Variants in CCDC50 observed in about 807,000 individuals in gnomAD.
CCDC50 encodes the protein coiled-coil domain-containing protein 50.
A neutral mutation model predicts 70.2 loss-of-function variants in CCDC50; 54 were observed. That is an observed-to-expected ratio of 0.77 (90% CI 0.62 to 0.96). The LOEUF is 0.96. CCDC50 is among the 50% of genes least tolerant of loss of function. The pLI is 0.00. For missense variants in CCDC50, 558 were observed against 578.7 expected (o/e 0.96, Z 0.37); for synonymous variants, 216 against 198.8 (o/e 1.09, Z -0.73).
At chr3:191,364,756 G>A (rs898649015) in intron 4 of CCDC50, among the ~76,000 whole-genome samples, 5 of 151,920 alleles carry the variant, frequency 3.3e-5, no homozygotes, top group African/African-American at 1.2e-4. Context: ...GCAGGACACA[G>A]ATGTGGAAAA....
chr3:191,347,032 C>A (rs1170688918), intron 1 of CCDC50, among the ~76,000 whole-genome samples: 2 of 141,480 alleles, frequency 1.4e-5, no homozygotes, highest in African/African-American at 5.0e-5. Context: ...GTGCTCTAAC[C>A]AATAAGGTGA....
rs536674397 is a variant in CCDC50 at position 191,370,145 on chromosome 3, C to A, written c.448+109C>A. The stretch of plus-strand genomic sequence containing the variant: ...AGGGACCTGGGACTGTTTCTCTTAT[C>A]CCCAGGCACTGGGTACATTTAGATG... On this transcript the variant is annotated intron_variant, in intron 5 of 11. Coordinates refer to ENST00000392455, the MANE Select transcript of CCDC50 (RefSeq NM_178335.3). 71 of 770,000 alleles carry A rather than the reference C, an allele frequency of 9.2e-5. No homozygotes were observed. The East Asian group carries it at 1.3e-3, about 14-fold the overall frequency. 47.7% of individuals were successfully genotyped at this position (770,000 alleles called of 1,614,324 possible).
intron 1 of CCDC50, among the ~76,000 whole-genome samples, chr3:191,353,818 C>G (rs1211332010): frequency 5.0e-5 from 5 of 99,100 alleles, no homozygotes; most frequent in Non-Finnish European, 1.0e-4. Flanking sequence ...CAATACAACT[C>G]TCTGTGTGTA....
intron 1 of CCDC50, among the ~76,000 whole-genome samples, chr3:191,336,623 A>G (rs1208887323): frequency 6.6e-6 from 1 of 152,212 alleles, no homozygotes; most frequent in Admixed American, 6.5e-5. Context: ...GTTCAATATC[A>G]GAATGATATG....
rs1713338397 is a variant in CCDC50 at position 191,382,059 on chromosome 3, TC to T, written c.1243-684del. Among the ~76,000 whole-genome samples the T allele has an allele frequency of 2.0e-5, 3 of 152,174 alleles. No individual in the cohort carries two copies. The South Asian group carries it at 6.2e-4, about 32-fold the overall frequency. On this transcript the variant is annotated intron_variant, in intron 9 of 11. Coordinates refer to ENST00000392455, the MANE Select transcript of CCDC50 (RefSeq NM_178335.3). Reference sequence around the variant, plus strand: ...CTAATATACTGTTTTAGTCAAGGATTCCCAAATACTTTTGTTAAATAAATTA... The same window carrying T: ...CTAATATACTGTTTTAGTCAAGGATTCCAAATACTTTTGTTAAATAAATTA...
chr3:191,330,572 C>T (rs1006019968), intron 1 of CCDC50: 1 of 152,172 alleles, frequency 6.6e-6, no homozygotes, highest in African/African-American at 2.4e-5. Context: ...GAAGCATAGA[C>T]GTTCCAGAGT....
intron 1 of CCDC50, among the ~76,000 whole-genome samples, chr3:191,355,307 A>C (rs1712240462): frequency 6.6e-6 from 1 of 152,248 alleles, no homozygotes; most frequent in South Asian, 2.1e-4. Context: ...AGATTTGATT[A>C]TATTTATTTT....
rs987201977 is a variant in CCDC50 at position 191,394,238 on chromosome 3, A to T, written c.*2478A>T. 1.3e-5 allele frequency: 2 copies of T among 152,060 alleles called. No individual in the cohort carries two copies. Among genetic ancestry groups the T allele is most frequent in the African/African-American group, 2.4e-5 (1 of 41,428 alleles). The allele number at this position is 152,060 out of a possible 1,614,324, so 9.4% of individuals were successfully genotyped here. A position where few individuals can be genotyped will look rare whatever the true frequency, so the allele number is the denominator to read the frequency against. On this transcript the variant is annotated 3_prime_UTR_variant, in exon 12 of 12. Coordinates refer to ENST00000392455, the MANE Select transcript of CCDC50 (RefSeq NM_178335.3). ...TTTTAAAATATTTTATGTTTATTTT[A>T]TTTTTGTGTAAAGCAAACACTTTTA...
In CCDC50 at chr3:191,356,799, T is replaced by C. The variant is rs1712299479; in HGVS notation, c.50-289T>C. Among the ~76,000 whole-genome samples, 3 of 152,216 alleles carry C rather than the reference T, an allele frequency of 2.0e-5. No homozygotes were observed. In the South Asian group the frequency reaches 6.2e-4, roughly 31 times the overall value. On this transcript the variant is annotated intron_variant, in intron 1 of 11. Transcript: ENST00000392455. ...ATTTATAGAAGTGGATTGGAATTTC[T>C]AGACCTCTGGAATCTGATTCTGTAA...
At chr3:191,390,968 A>G (rs1713674953) in intron 11 of CCDC50, among the ~76,000 whole-genome samples, 1 of 152,238 alleles carries the variant, frequency 6.6e-6, no homozygotes, top group African/African-American at 2.4e-5. Context: ...GAGAGCTGTA[A>G]AATGAAATGG....
chr3:191,375,672 CCTTT>C (rs1713088809), intron 6 of CCDC50, 83 bp downstream of exon 6: 4 of 1,424,226 alleles, frequency 2.8e-6, no homozygotes, highest in East Asian at 2.5e-5. Flanking sequence ...CCTTAAGCAA[CCTTT>C]CTTTCTCTCT....
chr3:191,359,844 T>C (rs1712420945), intron 3 of CCDC50, among the ~76,000 whole-genome samples: 1 of 152,176 alleles, frequency 6.6e-6, no homozygotes, highest in South Asian at 2.1e-4. Flanking sequence ...TTGATGCAGA[T>C]GTTTAAAATC....
At chr3:191,391,006 C>T (rs1337131119) in intron 11 of CCDC50, among the ~76,000 whole-genome samples, 1 of 152,154 alleles carries the variant, frequency 6.6e-6, no homozygotes, top group Non-Finnish European at 1.5e-5. Flanking sequence ...ATATTAACTT[C>T]CTCATCTGCA....
intron 3 of CCDC50, among the ~76,000 whole-genome samples, chr3:191,358,649 C>T (rs1033974884): frequency 1.3e-5 from 2 of 152,194 alleles, no homozygotes; most frequent in African/African-American, 4.8e-5. Flanking sequence ...AAAGTTCTCT[C>T]TAGTAGCCTC....
intron 1 of CCDC50, among the ~76,000 whole-genome samples, chr3:191,341,769 G>C (rs1044060607): frequency 8.5e-5 from 13 of 152,204 alleles, no homozygotes; most frequent in East Asian, 3.8e-4. Flanking sequence ...AGAGCCAAAG[G>C]GTTGACAGAA....
Position 191,341,413 on chromosome 3 carries a change from A to G in CCDC50, c.49+11690A>G, listed in dbSNP as rs567170373. On this transcript the variant is annotated intron_variant, in intron 1 of 11. Coordinates refer to ENST00000392455, the MANE Select transcript of CCDC50 (RefSeq NM_178335.3). ...TTCAAAGAAATTAAGTACTTGCCCA[A>G]GGTCTTTTAGCCTGGAAGTAAGCAA... Among the ~76,000 whole-genome samples, 4 of 152,278 alleles carry G rather than the reference A, an allele frequency of 2.6e-5. No individual in the cohort carries two copies. The South Asian group carries it at 8.3e-4, about 32-fold the overall frequency.
intron 1 of CCDC50, among the ~76,000 whole-genome samples, chr3:191,335,254 A>T (rs944036449): frequency 7.2e-5 from 11 of 152,210 alleles, no homozygotes; most frequent in Non-Finnish European, 1.3e-4. Flanking sequence ...ACAGAAGCAT[A>T]TTTAGAAGTG....
At chr3:191,378,143 A>G (rs1371311120) in intron 6 of CCDC50, among the ~76,000 whole-genome samples, 1 of 152,044 alleles carries the variant, frequency 6.6e-6, no homozygotes, top group African/African-American at 2.4e-5. Context: ...ACTTAATGAG[A>G]TTTACAGATT....
intron 1 of CCDC50, among the ~76,000 whole-genome samples, chr3:191,343,277 T>C (rs1711797596): frequency 6.6e-6 from 1 of 152,208 alleles, no homozygotes; most frequent in African/African-American, 2.4e-5. Flanking sequence ...GATGTTAGTT[T>C]GTTTAAGATT....
Sources: allele counts gnomAD v4.1 joint callset (sites outside exome capture counted in the v4.1 genomes callset), GRCh38; gene constraint gnomAD v4.1.1; transcripts MANE v1.5; gene names NCBI Gene and HGNC (gene_info 2026-07-23, HGNC 2026-07-21).